The following TFEC variants were observed in gnomAD, a reference collection of about 807,000 sequenced individuals.
TFEC encodes the protein transcription factor EC, also known as class E basic helix-loop-helix protein 34.
In TFEC, 31 loss-of-function variants were observed where a neutral mutation model predicts 41.6. That is an observed-to-expected ratio of 0.74 (90% CI 0.56 to 1.01). The LOEUF (loss-of-function observed/expected upper bound fraction) is 1.01. TFEC is among the 50% of genes least tolerant of loss of function. TFEC has a pLI of 0.00. For missense variants in TFEC, 402 were observed against 404.1 expected (o/e 0.99, Z 0.04); for synonymous variants, 143 against 140.6 (o/e 1.02, Z -0.12).
intron 3 of TFEC, among the ~76,000 whole-genome samples, chr7:116,067,412 T>C (rs1471243122): frequency 1.3e-5 from 2 of 152,016 alleles, no homozygotes; most frequent in African/African-American, 4.8e-5. Context: ...GGCTCTGTAT[T>C]ATAAAACAGA....
At chr7:116,158,954 A>G (rs1798922454) in intron 1 of TFEC, among the ~76,000 whole-genome samples, 1 of 152,010 alleles carries the variant, frequency 6.6e-6, no homozygotes, top group Non-Finnish European at 1.5e-5. Context: ...TTGCTAATTT[A>G]TTATATAATT....
At chr7:115,992,412 C>G (rs1794161684) in intron 1 of TFEC, among the ~76,000 whole-genome samples, 1 of 152,116 alleles carries the variant, frequency 6.6e-6, no homozygotes, top group African/African-American at 2.4e-5. Flanking sequence ...ATCAATGAAT[C>G]CAGGAGCTGG....
At chr7:115,944,291 T>C (rs1793676850) in intron 6 of TFEC, among the ~76,000 whole-genome samples, 2 of 151,410 alleles carry the variant, frequency 1.3e-5, no homozygotes, top group South Asian at 4.4e-4. Context: ...CAAAAACACA[T>C]ATGGACAAAA....
At chr7:116,081,806 T>G (rs1797096545) in intron 3 of TFEC, among the ~76,000 whole-genome samples, 1 of 152,108 alleles carries the variant, frequency 6.6e-6, no homozygotes, top group South Asian at 2.1e-4. Context: ...GCAACTTAAT[T>G]TGTAGCTTTT....
chr7:116,031,095 TTA>T (rs547453779), upstream of TFEC, among the ~76,000 whole-genome samples: 10 of 152,298 alleles, frequency 6.6e-5, no homozygotes, highest in East Asian at 1.9e-3. Context: ...TTGCAACATG[TTA>T]TGTTTCACAA....
intron 3 of TFEC, among the ~76,000 whole-genome samples, chr7:116,075,236 C>T (rs947469899): frequency 6.6e-6 from 1 of 152,004 alleles, no homozygotes; most frequent in Non-Finnish European, 1.5e-5. Flanking sequence ...TTTAAAAGTC[C>T]ATCTCAGATA....
rs79602314 is a variant in TFEC at position 115,959,389 on chromosome 7, G to C, written c.268-2596C>G. Among the ~76,000 whole-genome samples the C allele has an allele frequency of 7.8e-3, 1,189 of 151,784 alleles. 26 individuals are homozygous for C. The highest frequency in any genetic ancestry group is 0.027 in the African/African-American group (1,133 of 41,496). On this transcript the variant is annotated intron_variant, in intron 3 of 7. Transcript: ENST00000265440. ...ATAACAGTAGTTTCCTGGTATCAGA[G>C]GCTCTTCGCCGTAGATTTTATTCAC...
intron 1 of TFEC, among the ~76,000 whole-genome samples, chr7:116,136,874 AAATT>A (rs577589777): frequency 5.5e-4 from 83 of 152,180 alleles, no homozygotes; most frequent in South Asian, 6.2e-4. Context: ...TTATCAAAAT[AAATT>A]ATGTGACTTT....
chr7:116,059,782 G>A (rs1796510913), intron 3 of TFEC, among the ~76,000 whole-genome samples: 1 of 151,970 alleles, frequency 6.6e-6, no homozygotes, highest in South Asian at 2.1e-4. Flanking sequence ...ACAAAATACA[G>A]CACCATTGTT....
upstream of TFEC, among the ~76,000 whole-genome samples, chr7:116,031,286 A>G (rs1212682359): frequency 6.6e-6 from 1 of 152,106 alleles, no homozygotes; most frequent in Admixed American, 6.6e-5. Flanking sequence ...GATAATTTTT[A>G]TCTTGTCCAA....
At chr7:116,024,144 G>A (rs1795501496) in intron 1 of TFEC, among the ~76,000 whole-genome samples, 1 of 152,060 alleles carries the variant, frequency 6.6e-6, no homozygotes, top group African/African-American at 2.4e-5. Context: ...CTGGTCCCAT[G>A]TTACCTCTAC....
rs1798024392 is a variant in TFEC, at chr7:116,117,791, A to G, written c.-68-5753T>C. On this transcript the variant is annotated intron_variant, in intron 1 of 8. Transcript: ENST00000484212. ...CCTATGGTCCAAATAGCTACCAATTAAATTAAATGTAAAAAGCATTCTCAG... is the reference window on the plus strand; with the variant it reads ...CCTATGGTCCAAATAGCTACCAATTGAATTAAATGTAAAAAGCATTCTCAG... 2.6e-5 allele frequency among the ~76,000 whole-genome samples: 4 copies of G among 151,946 alleles called. No homozygotes were observed. The South Asian group carries it at 8.3e-4, about 31-fold the overall frequency.
chr7:116,004,931 T>C (rs916791568), intron 1 of TFEC, among the ~76,000 whole-genome samples: 2 of 152,164 alleles, frequency 1.3e-5, no homozygotes, highest in African/African-American at 2.4e-5. Context: ...AGGTCTTTCC[T>C]ATGCTGTTCT....
intron 1 of TFEC, among the ~76,000 whole-genome samples, chr7:116,004,441 A>T (rs887761084): frequency 3.3e-5 from 5 of 152,200 alleles, no homozygotes; most frequent in African/African-American, 1.2e-4. Flanking sequence ...TCTAATGTAA[A>T]CTATGGTCTT....
At chr7:116,136,791 TATG>T (rs1408990936) in intron 1 of TFEC, among the ~76,000 whole-genome samples, 3 of 152,012 alleles carry the variant, frequency 2.0e-5, no homozygotes, top group Non-Finnish European at 4.4e-5. Context: ...AGGTGTCATT[TATG>T]ATGATATTAT....
At chr7:116,105,243 T>C (rs1368358321) in intron 3 of TFEC, among the ~76,000 whole-genome samples, 1 of 152,134 alleles carries the variant, frequency 6.6e-6, no homozygotes, top group African/African-American at 2.4e-5. Context: ...GATCCCCTAC[T>C]CTGGCACAAA....
Position 116,012,308 on chromosome 7 carries a change from T to C in TFEC, c.-73+18325A>G, listed in dbSNP as rs546449204. Reference sequence around the variant, plus strand: ...GACATTTTGCTTCAGAAATCAACAATTGTGTTTAGATGATGTTTTACACTT... The same window carrying C: ...GACATTTTGCTTCAGAAATCAACAACTGTGTTTAGATGATGTTTTACACTT... On this transcript the variant is annotated intron_variant, in intron 1 of 7. Coordinates refer to ENST00000265440, the MANE Select transcript of TFEC (RefSeq NM_012252.4). Among the ~76,000 whole-genome samples, 4 of 152,286 alleles carry C rather than the reference T, an allele frequency of 2.6e-5. No individual in the cohort carries two copies. In the East Asian group the frequency reaches 7.7e-4, roughly 29 times the overall value.
intron 3 of TFEC, among the ~76,000 whole-genome samples, chr7:116,063,905 G>A (rs1796631334): frequency 6.6e-6 from 1 of 152,134 alleles, no homozygotes; most frequent in Non-Finnish European, 1.5e-5. Flanking sequence ...CAATGAACAT[G>A]GGAGTGCAGA....
intron 3 of TFEC, among the ~76,000 whole-genome samples, chr7:116,096,047 A>G (rs547811077): frequency 1.2e-3 from 188 of 152,306 alleles, no homozygotes; most frequent in African/African-American, 4.4e-3. Flanking sequence ...GTAATCTTGA[A>G]CTTAATACGT....
Sources: gnomAD v4.1 joint callset for allele counts (sites outside exome capture counted in the v4.1 genomes callset) on GRCh38, gnomAD v4.1.1 for gene constraint, MANE v1.5 for transcripts, NCBI Gene and HGNC (gene_info 2026-07-23, HGNC 2026-07-21) for gene names.